FNIP1: variants seen among roughly 807,000 people sequenced by gnomAD.
The protein encoded by FNIP1 is folliculin-interacting protein 1.
Under a neutral mutation model 124.5 loss-of-function variants are expected in FNIP1, and 40 were observed. The ratio of observed to expected loss-of-function variants is 0.32; its 90% confidence interval spans 0.25 to 0.42. FNIP1 has a LOEUF of 0.42. Ranked by LOEUF, FNIP1 falls within the 10% of genes least tolerant of loss-of-function variation. The pLI is 1.00. For missense variants in FNIP1, 1,176 were observed against 1,403.7 expected (o/e 0.84, Z 2.59); for synonymous variants, 472 against 470.6 (o/e 1.00, Z -0.04).
chr5:131,650,124 T>C (rs1767000386), intron 16 of FNIP1, among the ~76,000 whole-genome samples: 1 of 152,192 alleles, frequency 6.6e-6, no homozygotes, highest in South Asian at 2.1e-4. Context: ...TCTTAATGTA[T>C]TTTAAGATGG....
At chr5:131,654,143 C>T (rs1767124666) in intron 15 of FNIP1, among the ~76,000 whole-genome samples, 1 of 152,168 alleles carries the variant, frequency 6.6e-6, no homozygotes, top group African/African-American at 2.4e-5. Flanking sequence ...CATGAAAGAG[C>T]CACAAGGCAT....
At chr5:131,740,947 G>T (rs1471834824) in intron 2 of FNIP1, among the ~76,000 whole-genome samples, 1 of 152,128 alleles carries the variant, frequency 6.6e-6, no homozygotes, top group East Asian at 1.9e-4. Flanking sequence ...GTTTACAAAT[G>T]CCACTGGCAA....
At chr5:131,654,212 T>C (rs955948720) in intron 15 of FNIP1, among the ~76,000 whole-genome samples, 3 of 152,206 alleles carry the variant, frequency 2.0e-5, no homozygotes, top group African/African-American at 7.2e-5. Context: ...GACAATTAAG[T>C]ACAGAGCATG....
intron 1 of FNIP1, among the ~76,000 whole-genome samples, chr5:131,789,795 A>G (rs1318344769): frequency 6.6e-6 from 1 of 152,140 alleles, no homozygotes; most frequent in East Asian, 1.9e-4. Context: ...TTCTTGGTAT[A>G]TCTTCCTCTC....
chr5:131,794,340 A>C (rs184150061), intron 1 of FNIP1, among the ~76,000 whole-genome samples: 1 of 151,936 alleles, frequency 6.6e-6, no homozygotes, highest in Non-Finnish European at 1.5e-5. Context: ...GATTGTGAAG[A>C]ACCTGTAACC....
chr5:131,706,273 A>T lies in FNIP1; in HGVS notation c.914+138T>A, dbSNP rs189499612. 934 of 947,614 alleles carry T rather than the reference A, an allele frequency of 9.9e-4. 1 individual carries two copies. Among genetic ancestry groups the T allele is most frequent in the Middle Eastern group, 8.7e-3 (30 of 3,440 alleles). 58.7% of individuals were successfully genotyped at this position (947,614 alleles called of 1,614,324 possible). On this transcript the variant is annotated intron_variant, in intron 9 of 17. Transcript: ENST00000510461. ...GTTATGTATAACTTACCACAATTTTAAAAATGTAGTAAATTTTAAAAGTTT... is the reference window on the plus strand; with the variant it reads ...GTTATGTATAACTTACCACAATTTTTAAAATGTAGTAAATTTTAAAAGTTT...
At chr5:131,656,814 A>C (rs759365299) in intron 15 of FNIP1, among the ~76,000 whole-genome samples, 1 of 152,146 alleles carries the variant, frequency 6.6e-6, no homozygotes, top group Non-Finnish European at 1.5e-5. Flanking sequence ...AAGCACCGAG[A>C]TTTAAGGCAG....
At chr5:131,781,202 G>A (rs1481199859) in intron 1 of FNIP1, among the ~76,000 whole-genome samples, 1 of 152,212 alleles carries the variant, frequency 6.6e-6, no homozygotes, top group Non-Finnish European at 1.5e-5. Flanking sequence ...AAGTTTGAAA[G>A]TAGTATAGGT....
intron 15 of FNIP1, among the ~76,000 whole-genome samples, chr5:131,656,230 G>A (rs560369804): frequency 3.2e-4 from 49 of 152,336 alleles, no homozygotes; most frequent in South Asian, 2.7e-3. Flanking sequence ...GAAAAGTAGA[G>A]AGAAGTTAAG....
chr5:131,718,951 G>C, intron 5 of FNIP1, 35 bp downstream of exon 5: 1 of 1,553,344 alleles, frequency 6.4e-7, no homozygotes, highest in African/African-American at 1.4e-5. Context: ...CACATCTAAA[G>C]TGATACATTT....
chr5:131,648,224 G>C (rs1766948884), intron 16 of FNIP1, among the ~76,000 whole-genome samples: 1 of 146,080 alleles, frequency 6.8e-6, no homozygotes, highest in South Asian at 2.2e-4. Flanking sequence ...GCACGTGCCT[G>C]TAGTCTTAGC....
chr5:131,781,142 C>G (rs1771981099), intron 1 of FNIP1, among the ~76,000 whole-genome samples: 1 of 152,212 alleles, frequency 6.6e-6, no homozygotes, highest in African/African-American at 2.4e-5. Flanking sequence ...AAGCCTAATC[C>G]AGGGCAAGGC....
intron 15 of FNIP1, among the ~76,000 whole-genome samples, chr5:131,654,999 T>C (rs1353598083): frequency 6.6e-6 from 1 of 152,216 alleles, no homozygotes; most frequent in Non-Finnish European, 1.5e-5. Context: ...AATATAATTT[T>C]GGCAAAGATA....
intron 2 of FNIP1, among the ~76,000 whole-genome samples, chr5:131,736,939 T>C (rs778165443): frequency 1.1e-4 from 16 of 152,202 alleles, no homozygotes; most frequent in Non-Finnish European, 2.4e-4. Context: ...AAAAGTTCTT[T>C]GTATTGAACT....
chr5:131,752,538 TA>T (rs70974009), intron 1 of FNIP1, among the ~76,000 whole-genome samples: 61 of 136,772 alleles, frequency 4.5e-4, no homozygotes, highest in East Asian at 1.1e-3. Context: ...CCTGAACATC[TA>T]AAAAAAAAAA....
At position 131,672,617 on chromosome 5, in the gene FNIP1, G is replaced by A; in HGVS notation, c.1827C>T (p.Asn609=). 1 of 1,614,148 alleles carries A rather than the reference G, an allele frequency of 6.2e-7. No individual in the cohort carries two copies. Among genetic ancestry groups the A allele is most frequent in the Non-Finnish European group, 8.5e-7 (1 of 1,180,022 alleles). Residue 609 remains asparagine, a synonymous_variant, in exon 14 of 18, where the codon AAC becomes AAT. Transcript: ENST00000510461. ...ESEEIRTPNC[N]CKYCSHPLLG... ...GGAGTGGATGACTGCAATATTTACA[G>A]TTACAATTGGGAGTTCTAATTTCTT...
chr5:131,762,139 A>G (rs1450081134), intron 1 of FNIP1, among the ~76,000 whole-genome samples: 1 of 152,206 alleles, frequency 6.6e-6, no homozygotes, highest in Non-Finnish European at 1.5e-5. Context: ...CTAGGACCTC[A>G]AACTATGAAA....
intron 15 of FNIP1, among the ~76,000 whole-genome samples, chr5:131,654,440 T>G (rs907482048): frequency 6.6e-6 from 1 of 152,224 alleles, no homozygotes; most frequent in African/African-American, 2.4e-5. Flanking sequence ...TACTCCTGGA[T>G]AAGCCCAGGT....
chr5:131,659,220 A>G (rs1309170598), intron 15 of FNIP1, among the ~76,000 whole-genome samples: 4 of 152,170 alleles, frequency 2.6e-5, no homozygotes, highest in Non-Finnish European at 5.9e-5. Context: ...TTGCCGCCAA[A>G]CAACACTGTG....
Sources: allele counts gnomAD v4.1 joint callset (sites outside exome capture counted in the v4.1 genomes callset), GRCh38; gene constraint gnomAD v4.1.1; transcripts MANE v1.5; gene names NCBI Gene and HGNC (gene_info 2026-07-23, HGNC 2026-07-21).